Variants in BLK observed in about 807,000 individuals in gnomAD.
BLK encodes BLK proto-oncogene, Src family tyrosine kinase, also known as tyrosine-protein kinase Blk.
BLK carries 64 observed loss-of-function variants against 61.8 expected under a neutral mutation model. The observed-to-expected ratio is 1.03, with a 90% CI of 0.85 to 1.27. The LOEUF (loss-of-function observed/expected upper bound fraction) is 1.27, where lower values mean the gene tolerates loss of function less well. BLK is among the 50% of genes most tolerant of loss of function. The pLI is 0.00. For missense variants in BLK, 853 were observed against 660.5 expected (o/e 1.29, Z -3.19); for synonymous variants, 351 against 272.0 (o/e 1.29, Z -2.86).
In BLK at chr8:11,546,105, TAAG is replaced by T. The variant is rs1800627471; in HGVS notation, c.175+6_175+8del. 1 of 1,613,850 alleles carries T rather than the reference TAAG, an allele frequency of 6.2e-7. No homozygotes were observed. Among genetic ancestry groups the T allele is most frequent in the Admixed American group, 1.7e-5 (1 of 59,992 alleles). On this transcript the variant is annotated splice_donor_5th_base_variant and intron_variant, in intron 3 of 12. Transcript: ENST00000259089. Reference sequence around the variant, plus strand: ...CGCCCGATGAACACCTGGATGAAGGTAAGAAGGGTGGTTTGGGAAGCTGAGGCT... The same window carrying T: ...CGCCCGATGAACACCTGGATGAAGGTAAGGGTGGTTTGGGAAGCTGAGGCT...
At position 11,549,008 on chromosome 8, in the gene BLK, C is replaced by A. The variant is rs775005963; in HGVS notation, c.270-16C>A. The A allele has an allele frequency of 2.5e-6, 4 of 1,596,372 alleles. No homozygotes were observed. Among genetic ancestry groups the A allele is most frequent in the Non-Finnish European group, 3.4e-6 (4 of 1,170,492 alleles). On this transcript the variant is annotated splice_polypyrimidine_tract_variant and intron_variant, in intron 4 of 12. Coordinates refer to ENST00000259089, the MANE Select transcript of BLK (RefSeq NM_001715.3). ...AGGGGCCATGATCTCATCTCTGTTTCCCCTGCTCCCATTAGAACTGGAGAC... is the reference window on the plus strand; with the variant it reads ...AGGGGCCATGATCTCATCTCTGTTTACCCTGCTCCCATTAGAACTGGAGAC...
Position 11,494,905 on chromosome 8 carries a change from C to T in BLK, c.-2+314C>T, listed in dbSNP as rs902375672. Among the ~76,000 whole-genome samples, 4 of 152,376 alleles carry T rather than the reference C, an allele frequency of 2.6e-5. No individual in the cohort carries two copies. In the East Asian group the frequency reaches 5.8e-4, roughly 22 times the overall value. On this transcript the variant is annotated intron_variant, in intron 1 of 12. Transcript: ENST00000259089. ...AGAGAGGGGGTTGAGCGGGCACACACAGGCCACTGCTGCGCTCCCGGCGAG... is the reference window on the plus strand; with the variant it reads ...AGAGAGGGGGTTGAGCGGGCACACATAGGCCACTGCTGCGCTCCCGGCGAG...
chr8:11,548,190 C>T, intron 4 of BLK, 65 bp downstream of exon 4: 1 of 1,347,092 alleles, frequency 7.4e-7, no homozygotes, highest in South Asian at 1.2e-5. Flanking sequence ...TCTCCTTTCT[C>T]CACCCACCAC....
intron 8 of BLK, 57 bp downstream of exon 8, chr8:11,555,541 T>G: frequency 1.2e-6 from 2 of 1,610,932 alleles, no homozygotes; most frequent in Non-Finnish European, 1.7e-6. Flanking sequence ...CGCCGCATCC[T>G]GAGTCCAGGT....
intron 1 of BLK, among the ~76,000 whole-genome samples, chr8:11,518,337 C>T (rs1371731595): frequency 6.6e-6 from 1 of 152,136 alleles, no homozygotes; most frequent in Non-Finnish European, 1.5e-5. Flanking sequence ...TGAGTTTTTG[C>T]AATGCATTCA....
Position 11,555,568 on chromosome 8 carries a change from G to A in BLK, c.772+84G>A, listed in dbSNP as rs1295964815. 2.7e-5 allele frequency: 43 copies of A among 1,584,858 alleles called. 1 individual carries two copies. Among genetic ancestry groups the A allele is most frequent in the East Asian group, 6.7e-5 (3 of 44,494 alleles). ...AGTCCAGGTTCAGCATTTTCATAGC[G>A]TGTCATCCCTCCCCCAGAAGTCTTG... On this transcript the variant is annotated intron_variant, in intron 8 of 12. Coordinates refer to ENST00000259089, the MANE Select transcript of BLK (RefSeq NM_001715.3).
rs149362531 is a variant in BLK at position 11,518,453 on chromosome 8, C to G, written c.-2+23862C>G. ...TTGGTGGGGGGCAGAAGATTTTAATCTTTGGGAGGATTGAGGGGTGTCTCT... is the reference window on the plus strand; with the variant it reads ...TTGGTGGGGGGCAGAAGATTTTAATGTTTGGGAGGATTGAGGGGTGTCTCT... On this transcript the variant is annotated intron_variant, in intron 1 of 12. Transcript: ENST00000259089. 1.3e-3 allele frequency among the ~76,000 whole-genome samples: 199 copies of G among 152,252 alleles called. 1 individual carries two copies. Among genetic ancestry groups the G allele is most frequent in the Non-Finnish European group, 1.0e-3 (71 of 67,984 alleles).
intron 1 of BLK, among the ~76,000 whole-genome samples, chr8:11,536,872 T>A (rs1800154023): frequency 6.6e-6 from 1 of 152,226 alleles, no homozygotes; most frequent in African/African-American, 2.4e-5. Flanking sequence ...CTCTCTTTGG[T>A]ACAGAATCAT....
At chr8:11,517,867 A>G (rs551291415) in intron 1 of BLK, among the ~76,000 whole-genome samples, 1 of 152,328 alleles carries the variant, frequency 6.6e-6, no homozygotes, top group South Asian at 2.1e-4. Flanking sequence ...GTCACCTTTC[A>G]GAGCTGAAAT....
intron 1 of BLK, among the ~76,000 whole-genome samples, chr8:11,512,882 G>C (rs952223388): frequency 2.0e-5 from 3 of 152,174 alleles, no homozygotes; most frequent in African/African-American, 7.2e-5. Context: ...GGCCAGGCTG[G>C]ACTCAAACTC....
At chr8:11,545,933 T>C in intron 2 of BLK, 119 bp from the exon 3 acceptor site, 1 of 1,065,350 alleles carries the variant, frequency 9.4e-7, no homozygotes. Context: ...GGCAGCTGCC[T>C]CTCCTCCTTC....
chr8:11,504,723 G>C (rs1357075456), intron 1 of BLK, among the ~76,000 whole-genome samples: 2 of 152,242 alleles, frequency 1.3e-5, no homozygotes, highest in Non-Finnish European at 2.9e-5. Context: ...ACTGAGGAGT[G>C]TGCCCCCTGT....
intron 1 of BLK, chr8:11,509,272 C>T (rs1450886031): frequency 6.6e-6 from 1 of 152,236 alleles, no homozygotes; most frequent in African/African-American, 2.4e-5. Flanking sequence ...CAGCTGATGC[C>T]AGCAAGAAGC....
intron 2 of BLK, among the ~76,000 whole-genome samples, chr8:11,545,336 G>T (rs748766059): frequency 6.6e-6 from 1 of 152,176 alleles, no homozygotes; most frequent in Non-Finnish European, 1.5e-5. Flanking sequence ...ATCACTTGAG[G>T]CCAGGAGTTC....
chr8:11,533,062 A>C (rs779996946), intron 1 of BLK, among the ~76,000 whole-genome samples: 20 of 151,672 alleles, frequency 1.3e-4, no homozygotes, highest in Non-Finnish European at 2.4e-4. Flanking sequence ...CTTGAGTCAG[A>C]AGGTGTACTA....
intron 1 of BLK, among the ~76,000 whole-genome samples, chr8:11,508,983 G>C (rs1426854357): frequency 6.6e-6 from 1 of 152,164 alleles, no homozygotes; most frequent in Non-Finnish European, 1.5e-5. Flanking sequence ...GCAGGCAAGG[G>C]AGGTCGTTAG....
chr8:11,564,252 G>T lies in BLK; in HGVS notation c.*144G>T. The T allele has an allele frequency of 9.9e-7, 1 of 1,006,158 alleles. No individual in the cohort carries two copies. Among genetic ancestry groups the T allele is most frequent in the South Asian group, 1.4e-5 (1 of 71,778 alleles). 62.3% of individuals were successfully genotyped at this position (1,006,158 alleles called of 1,614,324 possible). A position where few individuals can be genotyped will look rare whatever the true frequency, so the allele number is the denominator to read the frequency against. ...TCCAGTGGGCAGAGGCAGCTTCGCA[G>T]GGGGTCCCCGGACGGACTCCTTCAC... On this transcript the variant is annotated 3_prime_UTR_variant, in exon 13 of 13. Transcript: ENST00000259089.
rs1042687 is a variant in BLK at position 11,556,744 on chromosome 8, G to A, written c.859G>A (p.Val287Met). Residue 287 changes from valine to methionine, a missense_variant, in exon 9 of 13, where the codon GTG becomes ATG. Val to Met is a conservative substitution (Grantham distance 21, BLOSUM62 1). Transcript: ENST00000259089. ...AGAAGCCTTTCTGGGTGAGGCCAAC[G>A]TGATGAAGGCTCTGCAGCACGAGCG... ...SPEAFLGEAN[V>M]MKALQHERLV... 1.4e-4 allele frequency: 229 copies of A among 1,614,234 alleles called. 1 individual carries two copies. In the South Asian group the frequency reaches 2.0e-3, roughly 14 times the overall value.
intron 1 of BLK, among the ~76,000 whole-genome samples, chr8:11,499,421 A>G (rs1798476366): frequency 6.6e-6 from 1 of 152,158 alleles, no homozygotes. Context: ...CCCTGTATCC[A>G]GATAGTCAGT....
Sources: gnomAD v4.1 joint callset for allele counts (sites outside exome capture counted in the v4.1 genomes callset) on GRCh38, gnomAD v4.1.1 for gene constraint, MANE v1.5 for transcripts, NCBI Gene and HGNC (gene_info 2026-07-23, HGNC 2026-07-21) for gene names.